ADGRD1: variants seen among roughly 807,000 people sequenced by gnomAD.
The protein encoded by ADGRD1 is G-protein coupled receptor 133.
Under a neutral mutation model 113.4 loss-of-function variants are expected in ADGRD1, and 77 were observed. The ratio of observed to expected loss-of-function variants is 0.68; its 90% CI spans 0.57 to 0.82. The LOEUF is 0.82. Ranked by LOEUF, ADGRD1 falls within the 40% of genes least tolerant of loss-of-function variation. The pLI is 0.00. For missense variants in ADGRD1, 1,036 were observed against 1,139.1 expected, an observed-to-expected ratio of 0.91 and a Z score of 1.30; for synonymous variants, 474 against 475.0, an observed-to-expected ratio of 1.00 and a Z score of 0.03.
At chr12:130,999,551 C>G (rs1483363100) in intron 8 of ADGRD1, among the ~76,000 whole-genome samples, 2 of 152,072 alleles carry the variant, frequency 1.3e-5, no homozygotes, top group African/African-American at 4.8e-5. Flanking sequence ...CTGGAGATGG[C>G]GGTTTGGTGG....
chr12:131,110,055 T>TA (rs1166053646), intron 18 of ADGRD1, among the ~76,000 whole-genome samples: 6 of 152,248 alleles, frequency 3.9e-5, no homozygotes, highest in Non-Finnish European at 8.8e-5. Flanking sequence ...AGCATATATA[T>TA]TTTCCATCCT....
In ADGRD1 at chr12:131,074,798, C is replaced by A. The variant is rs539504881; in HGVS notation, c.1474-2003C>A. 3.9e-5 allele frequency among the ~76,000 whole-genome samples: 6 copies of A among 152,272 alleles called. No homozygotes were observed. The East Asian group carries it at 1.2e-3, about 29-fold the overall frequency. On this transcript the variant is annotated intron_variant, in intron 13 of 24. Coordinates refer to ENST00000261654, the MANE Select transcript of ADGRD1 (RefSeq NM_198827.5). ...TCTGACGATGGAGGGGAGGGAGTTT[C>A]CCCGTTTCAGGGCGTGATCTTGGCT...
chr12:131,128,769 G>A (rs142652283), intron 20 of ADGRD1, among the ~76,000 whole-genome samples: 61 of 152,206 alleles, frequency 4.0e-4, no homozygotes, highest in African/African-American at 1.3e-3. Context: ...TGGCTTCTTC[G>A]CCAAGGAAGA....
chr12:131,118,936 A>C (rs777754289), intron 19 of ADGRD1, among the ~76,000 whole-genome samples: 1 of 152,118 alleles, frequency 6.6e-6, no homozygotes, highest in Non-Finnish European at 1.5e-5. Flanking sequence ...TTGCTTGGGT[A>C]GTAGGGGATG....
chr12:131,030,489 T>G (rs1208959275), intron 13 of ADGRD1: 1 of 152,584 alleles, frequency 6.6e-6, no homozygotes, highest in Non-Finnish European at 1.5e-5. Context: ...GGCACCCACC[T>G]TGGTGAATGG....
intron 18 of ADGRD1, among the ~76,000 whole-genome samples, chr12:131,117,417 A>G (rs1950492486): frequency 6.6e-6 from 1 of 152,216 alleles, no homozygotes; most frequent in African/African-American, 2.4e-5. Flanking sequence ...TAAGTAATAT[A>G]ATCAAGATTT....
At chr12:131,080,363 A>T (rs1349403329) in intron 14 of ADGRD1, among the ~76,000 whole-genome samples, 1 of 151,762 alleles carries the variant, frequency 6.6e-6, no homozygotes, top group East Asian at 1.9e-4. Flanking sequence ...AGTTCTTTTA[A>T]ATTTGTTAAA....
chr12:131,038,392 G>A (rs933639886), intron 13 of ADGRD1, among the ~76,000 whole-genome samples: 39 of 152,224 alleles, frequency 2.6e-4, no homozygotes, highest in African/African-American at 9.2e-4. Context: ...GCCACCTCCG[G>A]GTTGTTAGGC....
At chr12:131,111,212 C>T (rs1950340675) in intron 18 of ADGRD1, among the ~76,000 whole-genome samples, 1 of 152,128 alleles carries the variant, frequency 6.6e-6, no homozygotes, top group African/African-American at 2.4e-5. Context: ...TCCACCTCAC[C>T]CTCTTGAGTA....
intron 5 of ADGRD1, among the ~76,000 whole-genome samples, chr12:130,985,204 G>A (rs1332215709): frequency 2.6e-5 from 4 of 151,766 alleles, no homozygotes; most frequent in South Asian, 4.2e-4. Flanking sequence ...CCCAAAATGC[G>A]GGTCGTTTGT....
Position 130,954,406 on chromosome 12 carries a change from C to CCGTTCTCA in ADGRD1, c.-58_-51dup. On this transcript the variant is annotated 5_prime_UTR_variant, in exon 1 of 25. Coordinates refer to ENST00000261654, the MANE Select transcript of ADGRD1 (RefSeq NM_198827.5). This position sits in a 1 kb window ranked among gnomAD's most constrained non-coding sequence, Gnocchi z 4.7. ...CCAAGGAAGTGAAGGTTAAGAGGTC[C>CCGTTCTCA]CGTTCTCACAGACCCTCAGGAATTT... The CCGTTCTCA allele has an allele frequency of 7.1e-7, 1 of 1,400,298 alleles. No homozygotes were observed. The highest frequency in any genetic ancestry group is 9.7e-7 in the Non-Finnish European group (1 of 1,032,816). The allele number at this position is 1,400,298 out of a possible 1,614,324, so 86.7% of individuals were successfully genotyped here. A position where few individuals can be genotyped will look rare whatever the true frequency, so the allele number is the denominator to read the frequency against.
chr12:131,130,469 T>A (rs1461996020), intron 20 of ADGRD1, among the ~76,000 whole-genome samples: 1 of 151,816 alleles, frequency 6.6e-6, no homozygotes, highest in Admixed American at 6.6e-5. Flanking sequence ...ACCAGGAGGG[T>A]CTGAAGCCTC....
At chr12:131,097,811 G>A (rs1445676197) in intron 15 of ADGRD1, among the ~76,000 whole-genome samples, 1 of 152,242 alleles carries the variant, frequency 6.6e-6, no homozygotes, top group African/African-American at 2.4e-5. Context: ...TCAAGGGCTG[G>A]TGTGGGGGTG....
intron 8 of ADGRD1, chr12:130,993,735 T>TA (rs1455734119): frequency 6.6e-6 from 1 of 152,358 alleles, no homozygotes; most frequent in Non-Finnish European, 1.5e-5. Context: ...TTAGCGGACT[T>TA]AGACTTCAGG....
intron 15 of ADGRD1, among the ~76,000 whole-genome samples, chr12:131,099,576 C>T (rs1405612701): frequency 6.6e-6 from 1 of 152,134 alleles, no homozygotes; most frequent in Non-Finnish European, 1.5e-5. Flanking sequence ...CTTCTTGATC[C>T]CTCCTGAAGT....
At chr12:131,121,136 C>T (rs908941987) in intron 20 of ADGRD1, among the ~76,000 whole-genome samples, 6 of 152,232 alleles carry the variant, frequency 3.9e-5, no homozygotes, top group Non-Finnish European at 1.5e-5. Context: ...CACTCGAGGC[C>T]CCAGGGCTCT....
At chr12:131,126,553 GT>G (rs1950741585) in intron 20 of ADGRD1, among the ~76,000 whole-genome samples, 1 of 152,188 alleles carries the variant, frequency 6.6e-6, no homozygotes, top group African/African-American at 2.4e-5. Context: ...CCAGCTCAGT[GT>G]TTATTCACAA....
intron 13 of ADGRD1, among the ~76,000 whole-genome samples, chr12:131,054,920 A>G (rs1593131265): frequency 6.6e-6 from 1 of 152,190 alleles, no homozygotes; most frequent in Non-Finnish European, 1.5e-5. Context: ...CAAATTCACA[A>G]ACTCACCTTA....
chr12:131,132,480 C>T (rs1291417836), intron 21 of ADGRD1, among the ~76,000 whole-genome samples: 1 of 152,186 alleles, frequency 6.6e-6, no homozygotes, highest in African/African-American at 2.4e-5. Context: ...CTGTGAAGTC[C>T]GGAGCTCAGA....
Sources: allele counts gnomAD v4.1 joint callset (sites outside exome capture counted in the v4.1 genomes callset), GRCh38; gene constraint gnomAD v4.1.1; non-coding constraint Gnocchi (gnomAD v3.1); transcripts MANE v1.5; gene names NCBI Gene and HGNC (gene_info 2026-07-23, HGNC 2026-07-21).